The following SLC8A1 variants were observed in gnomAD, a reference collection of about 807,000 sequenced individuals.
SLC8A1 encodes sodium/calcium exchanger 1.
A neutral mutation model predicts 68.3 loss-of-function variants in SLC8A1; 18 were observed. The ratio of observed to expected loss-of-function variants is 0.26; its 90% CI spans 0.18 to 0.39. The LOEUF (loss-of-function observed/expected upper bound fraction) is 0.39. Among genes scored for constraint, SLC8A1 ranks in the 10% least tolerant of loss-of-function variants. The pLI is 1.00. For synonymous variants in SLC8A1, 475 were observed against 415.5 expected, an observed-to-expected ratio of 1.14 and a Z score of -1.74; for missense variants, 985 against 1,156.7, an observed-to-expected ratio of 0.85 and a Z score of 2.15.
At chr2:40,485,181 G>A (rs149983473) in intron 1 of SLC8A1, among the ~76,000 whole-genome samples, 29 of 152,174 alleles carry the variant, frequency 1.9e-4, no homozygotes, top group Non-Finnish European at 2.6e-4. Flanking sequence ...CCTTCACGCC[G>A]CAGACAACCT....
At chr2:40,103,165 T>C (rs2033999469) in exon 8 of SLC8A1, 1 of 152,198 alleles carries the variant, frequency 6.6e-6, no homozygotes, top group South Asian at 2.1e-4. Context: ...TGGGATTCCT[T>C]CAAGAGAAAG....
chr2:40,218,419 A>G (rs2057814868), intron 2 of SLC8A1, among the ~76,000 whole-genome samples: 1 of 152,246 alleles, frequency 6.6e-6, no homozygotes, highest in Admixed American at 6.5e-5. Context: ...ATGACCAAGT[A>G]GGTTAAAATT....
intron 2 of SLC8A1, among the ~76,000 whole-genome samples, chr2:40,405,447 T>A (rs1320924414): frequency 6.6e-6 from 1 of 152,242 alleles, no homozygotes; most frequent in East Asian, 1.9e-4. Context: ...AGAGCTTGCC[T>A]TTAAAATACA....
intron 2 of SLC8A1, among the ~76,000 whole-genome samples, chr2:40,229,686 C>G (rs556898657): frequency 6.7e-6 from 1 of 150,132 alleles, no homozygotes; most frequent in South Asian, 2.1e-4. Context: ...TTATGATCCT[C>G]CAAACATAAC....
intron 2 of SLC8A1, among the ~76,000 whole-genome samples, chr2:40,406,522 G>A (rs1245792174): frequency 1.3e-5 from 2 of 152,196 alleles, no homozygotes; most frequent in Non-Finnish European, 2.9e-5. Flanking sequence ...TATCAGACAA[G>A]TGAGGGTAGG....
chr2:40,247,540 G>T (rs2062049941), intron 2 of SLC8A1, among the ~76,000 whole-genome samples: 1 of 151,994 alleles, frequency 6.6e-6, no homozygotes, highest in Admixed American at 6.6e-5. Flanking sequence ...GCACCAGATG[G>T]TGTTACAAAA....
intron 2 of SLC8A1, among the ~76,000 whole-genome samples, chr2:40,417,192 G>A (rs1185955167): frequency 6.6e-6 from 1 of 151,882 alleles, no homozygotes; most frequent in Non-Finnish European, 1.5e-5. Context: ...TTAGGTTTGG[G>A]GTACATATGC....
intron 2 of SLC8A1, among the ~76,000 whole-genome samples, chr2:40,382,264 C>G (rs1287587518): frequency 6.6e-6 from 1 of 152,082 alleles, no homozygotes; most frequent in Non-Finnish European, 1.5e-5. Flanking sequence ...TAGAAGTTCT[C>G]CTAACCAATC....
intron 1 of SLC8A1, among the ~76,000 whole-genome samples, chr2:40,482,883 C>T (rs976466378): frequency 6.0e-5 from 9 of 150,906 alleles, no homozygotes; most frequent in Admixed American, 4.0e-4. Context: ...CTCCGCCTCC[C>T]GGGTTCACGC....
chr2:40,311,671 T>C (rs2073701511), intron 2 of SLC8A1, among the ~76,000 whole-genome samples: 1 of 152,132 alleles, frequency 6.6e-6, no homozygotes, highest in South Asian at 2.1e-4. Context: ...TGGAATTATA[T>C]AAGGATTTAG....
intron 2 of SLC8A1, among the ~76,000 whole-genome samples, chr2:40,380,651 G>A (rs1054403152): frequency 6.6e-6 from 1 of 152,100 alleles, no homozygotes; most frequent in Non-Finnish European, 1.5e-5. Context: ...CTTACGGCAA[G>A]TGATGAGTGC....
At chr2:40,428,888 C>A (rs369625612) in exon 2 of SLC8A1, 3 of 1,613,696 alleles carry the variant, frequency 1.9e-6, no homozygotes, top group Non-Finnish European at 2.5e-6. Context: ...GGCTTAAACA[C>A]CACAGTTCCT....
upstream of SLC8A1, among the ~76,000 whole-genome samples, chr2:40,455,128 G>A (rs887650483): frequency 2.0e-5 from 3 of 152,180 alleles, no homozygotes; most frequent in Non-Finnish European, 2.9e-5. Context: ...TTCGAAAGAT[G>A]TTCTGATGTT....
chr2:40,454,531 T>C (rs1294237131), upstream of SLC8A1, among the ~76,000 whole-genome samples: 1 of 151,444 alleles, frequency 6.6e-6, no homozygotes, highest in African/African-American at 2.4e-5. Context: ...AGGCTACATC[T>C]TGGCCACTTG....
At chr2:40,346,070 A>G (rs74978365) in intron 2 of SLC8A1, among the ~76,000 whole-genome samples, 305 of 149,806 alleles carry the variant, frequency 2.0e-3, no homozygotes, top group African/African-American at 7.1e-3. Flanking sequence ...AAAAAAAAAA[A>G]AAAGAAAGAA....
intron 1 of SLC8A1, among the ~76,000 whole-genome samples, chr2:40,449,392 A>T (rs1033892065): frequency 1.3e-5 from 2 of 152,192 alleles, no homozygotes; most frequent in Non-Finnish European, 2.9e-5. Flanking sequence ...ATAAAAGTCT[A>T]TATTTGCCTG....
upstream of SLC8A1, among the ~76,000 whole-genome samples, chr2:40,454,533 G>C (rs1430625387): frequency 8.3e-6 from 1 of 120,968 alleles, no homozygotes; most frequent in African/African-American, 3.2e-5. Context: ...GCTACATCTT[G>C]GCCACTTGAT....
At chr2:40,294,480 A>T (rs894167941) in intron 2 of SLC8A1, among the ~76,000 whole-genome samples, 2 of 152,152 alleles carry the variant, frequency 1.3e-5, no homozygotes, top group African/African-American at 4.8e-5. Context: ...AAGTAGACCC[A>T]AACTTACTGA....
At chr2:40,125,640 C>G (rs192276146) in intron 7 of SLC8A1, among the ~76,000 whole-genome samples, 10 of 152,218 alleles carry the variant, frequency 6.6e-5, no homozygotes, top group Admixed American at 5.2e-4. Flanking sequence ...CTTAACCTGA[C>G]AAATACTTTT....
Sources: allele counts gnomAD v4.1 joint callset (sites outside exome capture counted in the v4.1 genomes callset), GRCh38; gene constraint gnomAD v4.1.1; transcripts MANE v1.5; gene names NCBI Gene and HGNC (gene_info 2026-07-23, HGNC 2026-07-21).